FHL1: variants seen among roughly 807,000 people sequenced by gnomAD.
FHL1 encodes the protein four and a half LIM domains protein 1.
FHL1 carries 1 observed loss-of-function variant against 20.3 expected under a neutral mutation model. That is an observed-to-expected ratio of 0.05 (90% CI 0.02 to 0.23). The LOEUF (loss-of-function observed/expected upper bound fraction) is 0.23, where lower values mean the gene tolerates loss of function less well. Among genes scored for constraint, FHL1 ranks in the 10% least tolerant of loss-of-function variants. The probability of loss-of-function intolerance (pLI) is 1.00; values close to 1 mark genes in which losing one functional copy is unlikely to be tolerated. For synonymous variants in FHL1, 82 were observed against 88.9 expected (o/e 0.92, Z 0.44); for missense variants, 177 against 234.0 (o/e 0.76, Z 1.59).
chrX:136,190,740 A>G (rs1046677654), intron 2 of FHL1, among the ~76,000 whole-genome samples: 13 of 111,849 alleles, frequency 1.2e-4, no homozygotes, highest in African/African-American at 4.2e-4. Flanking sequence ...TTACATTGTC[A>G]TGAGTAAAGA....
In FHL1 at chrX:136,207,057, C is replaced by T. The variant is rs776316962; in HGVS notation, c.246C>T (p.Phe82=). The change falls in exon 3 of 6, where the codon TTC becomes TTT. Residue 82 remains phenylalanine, a synonymous_variant. Transcript: ENST00000370683. ...ACCGCTTCTGGCATGACACCTGCTT[C>T]CGCTGTGCCAAGTGCCTTCACCCCT... The part of the protein sequence containing the change: ...YKNRFWHDTC[F]RCAKCLHPLA... 1 of 1,211,703 alleles carries T rather than the reference C, an allele frequency of 8.3e-7. No individual in the cohort carries two copies. The highest frequency in any genetic ancestry group is 1.8e-5 in the South Asian group (1 of 56,960).
rs745544703 is a variant in FHL1, at chrX:136,207,059, G to A, written c.248G>A (p.Arg83His). Residue 83 changes from arginine (R) to histidine (H), a missense_variant, in exon 3 of 6, where the codon CGC (arginine) becomes CAC (histidine). By Grantham distance (29) the Arg-to-His change is conservative. Coordinates refer to ENST00000370683, the MANE Select transcript of FHL1 (RefSeq NM_001159699.2). ...KNRFWHDTCF[R>H]CAKCLHPLAN... ...CGCTTCTGGCATGACACCTGCTTCC[G>A]CTGTGCCAAGTGCCTTCACCCCTTG... 9.9e-6 allele frequency: 12 copies of A among 1,209,939 alleles called. No individual in the cohort carries two copies. The African/African-American group carries it at 1.0e-4, about 11-fold the overall frequency.
chrX:136,186,769 G>A (rs2073299410), intron 2 of FHL1, among the ~76,000 whole-genome samples: 1 of 107,872 alleles, frequency 9.3e-6, no homozygotes, highest in Non-Finnish European at 1.9e-5. Flanking sequence ...CAGGAGAATC[G>A]CTTGAGCCCG....
intron 1 of FHL1, among the ~76,000 whole-genome samples, chrX:136,161,880 T>G (rs1037036358): frequency 9.0e-6 from 1 of 111,407 alleles, no homozygotes; most frequent in African/African-American, 3.3e-5. Context: ...CCCAGCACTT[T>G]GGGAGGCCGA....
chrX:136,196,850 GAGTAGCCC>G (rs1199845428), upstream of FHL1: 1 of 1,164,345 alleles, frequency 8.6e-7, no homozygotes, highest in Non-Finnish European at 1.1e-6. Context: ...TTTGGATGCT[GAGTAGCCC>G]CGCAGGTATT....
At chrX:136,158,478 A>T (rs2072480917) in intron 1 of FHL1, among the ~76,000 whole-genome samples, 2 of 110,592 alleles carry the variant, frequency 1.8e-5, no homozygotes, top group Admixed American at 1.9e-4. Flanking sequence ...TCCTTCCCTG[A>T]TTTTCCTCCT....
chrX:136,162,269 A>T (rs1210190958), intron 1 of FHL1, among the ~76,000 whole-genome samples: 1 of 111,053 alleles, frequency 9.0e-6, no homozygotes, highest in Non-Finnish European at 1.9e-5. Flanking sequence ...AGGAGTTTTG[A>T]ATCCTAGCCT....
chrX:136,159,537 G>C (rs1321097387), intron 1 of FHL1, among the ~76,000 whole-genome samples: 1 of 111,833 alleles, frequency 8.9e-6, no homozygotes, highest in Non-Finnish European at 1.9e-5. Flanking sequence ...GTGAGACCCT[G>C]TCTTAAATAA....
chrX:136,211,323 A>G lies in FHL1; in HGVS notation c.*1298A>G. The G allele has an allele frequency of 3.4e-6, 1 of 291,761 alleles. No homozygotes were observed. The highest frequency in any genetic ancestry group is 3.6e-5 in the South Asian group (1 of 28,128). The allele number at this position is 291,761 out of a possible 1,213,427, so 24.0% of individuals were successfully genotyped here. A position where few individuals can be genotyped will look rare whatever the true frequency, so the allele number is the denominator to read the frequency against. The stretch of plus-strand genomic sequence containing the variant: ...CTATTATCATCTAACGTTTCAGTGT[A>G]TCCTTACAGAAATAAAGCAGCATAT... On this transcript the variant is annotated 3_prime_UTR_variant, in exon 6 of 6. Coordinates refer to ENST00000370683, the MANE Select transcript of FHL1 (RefSeq NM_001159699.2).
chrX:136,191,725 A>G (rs1285736611), intron 2 of FHL1, among the ~76,000 whole-genome samples: 2 of 112,656 alleles, frequency 1.8e-5, no homozygotes, highest in East Asian at 2.8e-4. Flanking sequence ...ATGAATTATT[A>G]TAACATCCCT....
rs1264951058 is a variant in FHL1, at chrX:136,210,588, T to G, written c.*563T>G. The G allele has an allele frequency of 2.6e-6, 1 of 388,910 alleles. No homozygotes were observed. Among genetic ancestry groups the G allele is most frequent in the Non-Finnish European group, 4.8e-6 (1 of 207,033 alleles). The allele number at this position is 388,910 out of a possible 1,213,427, so 32.1% of individuals were successfully genotyped here. Reference sequence around the variant, plus strand: ...AACACGAACTTCCAGAAAATTAACATTTGAACTTAGCTGTAATTCTAAACT... The same window carrying G: ...AACACGAACTTCCAGAAAATTAACAGTTGAACTTAGCTGTAATTCTAAACT... On this transcript the variant is annotated 3_prime_UTR_variant, in exon 6 of 6. Coordinates refer to ENST00000370683, the MANE Select transcript of FHL1 (RefSeq NM_001159699.2).
chrX:136,192,623 A>T (rs1224343674), upstream of FHL1, among the ~76,000 whole-genome samples: 1 of 111,497 alleles, frequency 9.0e-6, no homozygotes, highest in Non-Finnish European at 1.9e-5. Flanking sequence ...TTTCTCTGAG[A>T]TTCAGAGACC....
intron 2 of FHL1, among the ~76,000 whole-genome samples, chrX:136,174,608 G>C (rs2072953589): frequency 8.9e-6 from 1 of 111,954 alleles, no homozygotes; most frequent in Non-Finnish European, 1.9e-5. Context: ...GAAAGAAAAA[G>C]AGATACGAAC....
chrX:136,162,122 C>CACAAAA (rs1556632407), intron 1 of FHL1, among the ~76,000 whole-genome samples: 13 of 48,932 alleles, frequency 2.7e-4, no homozygotes, highest in African/African-American at 1.1e-3. Flanking sequence ...GACCCTGTCT[C>CACAAAA]AAAAAAAAAA....
rs758269641 is a variant in FHL1 at position 136,207,026 on chromosome X, A to G, written c.215A>G (p.Tyr72Cys). The G allele has an allele frequency of 3.5e-5, 42 of 1,209,313 alleles. No individual in the cohort carries two copies. The highest frequency in any genetic ancestry group is 4.5e-5 in the Non-Finnish European group (40 of 895,157). Residue 72 changes from tyrosine to cysteine, a missense_variant, in exon 3 of 6, where the codon TAT (tyrosine) becomes TGT (cysteine). Coordinates refer to ENST00000370683, the MANE Select transcript of FHL1 (RefSeq NM_001159699.2). ...CTGCTTGGTTTCCAGGAGGTGCACT[A>G]TAAGAACCGCTTCTGGCATGACACC... is the stretch of plus-strand genomic sequence containing the variant. ...PIGADSKEVH[Y>C]KNRFWHDTCF...
chrX:136,170,130 C>G, intron 2 of FHL1: 1 of 260,711 alleles, frequency 3.8e-6, no homozygotes, highest in Non-Finnish European at 7.2e-6. Context: ...CACTGCTTAC[C>G]CTAAATATTA....
Position 136,211,293 on chromosome X carries a change from A to G in FHL1, c.*1268A>G, listed in dbSNP as rs746620138. ...TGATGCCTCATTTCTACATTCTGTCATTAGCTATTATCATCTAACGTTTCA... is the reference window on the plus strand; with the variant it reads ...TGATGCCTCATTTCTACATTCTGTCGTTAGCTATTATCATCTAACGTTTCA... On this transcript the variant is annotated 3_prime_UTR_variant, in exon 6 of 6. Coordinates refer to ENST00000370683, the MANE Select transcript of FHL1 (RefSeq NM_001159699.2). The G allele has an allele frequency of 3.0e-4, 94 of 313,814 alleles. No homozygotes were observed. Among genetic ancestry groups the G allele is most frequent in the African/African-American group, 2.2e-3 (84 of 37,702 alleles). 25.9% of individuals were successfully genotyped at this position (313,814 alleles called of 1,213,427 possible).
Position 136,176,120 on chromosome X carries a change from A to G in FHL1, c.-27+6140A>G, listed in dbSNP as rs377621509. ...GTAGAGGCATCTTGGTATATACCAC[A>G]TGACACCAAGTATAAATATTTGTTT... On this transcript the variant is annotated intron_variant, in intron 2 of 6. Coordinates refer to the FHL1 transcript ENST00000394153. Among the ~76,000 whole-genome samples, 21 of 112,302 alleles carry G rather than the reference A, an allele frequency of 1.9e-4. 1 individual carries two copies. The South Asian group carries it at 6.0e-3, about 32-fold the overall frequency.
At chrX:136,151,704 C>A (rs2072269613) in intron 1 of FHL1, among the ~76,000 whole-genome samples, 1 of 111,802 alleles carries the variant, frequency 8.9e-6, no homozygotes, top group Non-Finnish European at 1.9e-5. Flanking sequence ...CAGAGTGAGA[C>A]CCTGTCTCAA....
Sources: gnomAD v4.1 joint callset for allele counts (sites outside exome capture counted in the v4.1 genomes callset) on GRCh38, gnomAD v4.1.1 for gene constraint, MANE v1.5 for transcripts, NCBI Gene and HGNC (gene_info 2026-07-23, HGNC 2026-07-21) for gene names.